KAZN: variants seen among roughly 807,000 people sequenced by gnomAD.
KAZN encodes kazrin.
KAZN carries 40 observed loss-of-function variants against 87.4 expected under a neutral mutation model. That is an observed-to-expected ratio of 0.46 (90% CI 0.36 to 0.60). The LOEUF is 0.60. Among genes scored for constraint, KAZN ranks in the 20% least tolerant of loss-of-function variants. The probability of loss-of-function intolerance (pLI) is 0.00; values close to 1 mark genes in which losing one functional copy is unlikely to be tolerated. For synonymous variants in KAZN, 466 were observed against 458.3 expected (o/e 1.02, Z -0.22); for missense variants, 898 against 1,073.9 (o/e 0.84, Z 2.29).
chr1:14,372,994 G>A (rs1001662013), intron 2 of KAZN, among the ~76,000 whole-genome samples: 3 of 152,130 alleles, frequency 2.0e-5, no homozygotes, highest in African/African-American at 7.2e-5. Context: ...AGTAACCTGA[G>A]AGGGGCCCCC....
intron 1 of KAZN, among the ~76,000 whole-genome samples, chr1:14,669,761 AC>A (rs1639803696): frequency 1.3e-5 from 2 of 152,272 alleles, no homozygotes; most frequent in Non-Finnish European, 2.9e-5. Context: ...AAACAAACAA[AC>A]AAAAAACAAA....
At chr1:14,375,566 G>A (rs1308868994) in intron 2 of KAZN, among the ~76,000 whole-genome samples, 1 of 152,184 alleles carries the variant, frequency 6.6e-6, no homozygotes, top group East Asian at 1.9e-4. Context: ...CTCATGCTCA[G>A]CATAAAGTGT....
chr1:14,930,174 T>C (rs1460468805), intron 1 of KAZN: 1 of 692,632 alleles, frequency 1.4e-6, no homozygotes, highest in African/African-American at 1.9e-5. Flanking sequence ...GGGACTGTTT[T>C]GGGAAACACC....
intron 2 of KAZN, chr1:14,180,678 AC>A: frequency 9.2e-7 from 1 of 1,087,058 alleles, no homozygotes; most frequent in Non-Finnish European, 1.3e-6. Context: ...ATGTTCAACT[AC>A]CACACCTATT....
intron 1 of KAZN, among the ~76,000 whole-genome samples, chr1:14,753,766 C>T (rs1392193210): frequency 6.6e-6 from 1 of 152,010 alleles, no homozygotes; most frequent in African/African-American, 2.4e-5. Flanking sequence ...CTGCACTCAC[C>T]TCTAGGGAGG....
At chr1:14,389,639 G>A (rs1419537406) in intron 2 of KAZN, among the ~76,000 whole-genome samples, 2 of 152,100 alleles carry the variant, frequency 1.3e-5, no homozygotes, top group African/African-American at 4.8e-5. Flanking sequence ...ACTTATGGGA[G>A]CTAAAAATTA....
At chr1:14,736,158 C>G (rs1021698921) in intron 1 of KAZN, among the ~76,000 whole-genome samples, 2 of 151,982 alleles carry the variant, frequency 1.3e-5, no homozygotes, top group African/African-American at 4.8e-5. Flanking sequence ...CATCTGTATT[C>G]TCAAACTTCC....
intron 1 of KAZN, among the ~76,000 whole-genome samples, chr1:14,068,643 G>C (rs1027776363): frequency 1.3e-5 from 2 of 152,150 alleles, no homozygotes; most frequent in African/African-American, 2.4e-5. Flanking sequence ...TAGTGGGAGA[G>C]AAATTTGGGC....
intron 1 of KAZN, among the ~76,000 whole-genome samples, chr1:14,119,471 A>G (rs929568609): frequency 1.3e-5 from 2 of 152,180 alleles, no homozygotes; most frequent in Admixed American, 6.5e-5. Flanking sequence ...GGTTACCACA[A>G]TTGGAGCAAA....
chr1:14,597,518 C>A (rs1451589455), upstream of KAZN, among the ~76,000 whole-genome samples: 1 of 152,088 alleles, frequency 6.6e-6, no homozygotes, highest in Non-Finnish European at 1.5e-5. Flanking sequence ...TTTCCTTATC[C>A]CTAAAATGGG....
chr1:14,335,080 G>C (rs1226877867), intron 2 of KAZN, among the ~76,000 whole-genome samples: 1 of 150,404 alleles, frequency 6.6e-6, no homozygotes, highest in African/African-American at 2.4e-5. Flanking sequence ...GGGCCATGGG[G>C]GCGGATCCCT....
At chr1:14,367,550 G>A in intron 2 of KAZN, among the ~76,000 whole-genome samples, 1 of 152,106 alleles carries the variant, frequency 6.6e-6, no homozygotes, top group Admixed American at 6.5e-5. Context: ...TTGGACCATG[G>A]TCCCAGGCTT....
intron 1 of KAZN, among the ~76,000 whole-genome samples, chr1:14,055,813 C>T (rs761662705): frequency 6.6e-6 from 1 of 152,160 alleles, no homozygotes; most frequent in African/African-American, 2.4e-5. Context: ...TTGTTTACAA[C>T]AGAAAAATCA....
chr1:13,986,375 G>A (rs572000093), intron 1 of KAZN, among the ~76,000 whole-genome samples: 1 of 152,240 alleles, frequency 6.6e-6, no homozygotes, highest in South Asian at 2.1e-4. Flanking sequence ...TCCTTAACTT[G>A]CTGCAGTGAA....
chr1:13,982,028 T>G (rs1053522074), intron 1 of KAZN, among the ~76,000 whole-genome samples: 1 of 152,190 alleles, frequency 6.6e-6, no homozygotes, highest in Admixed American at 6.5e-5. Flanking sequence ...CACTTCAATG[T>G]TGATTCCCAC....
chr1:13,970,046 G>A (rs1452206649), intron 1 of KAZN, among the ~76,000 whole-genome samples: 1 of 152,198 alleles, frequency 6.6e-6, no homozygotes, highest in African/African-American at 2.4e-5. Context: ...CCAAATTCAT[G>A]CTATTTCTAT....
intron 1 of KAZN, among the ~76,000 whole-genome samples, chr1:14,178,463 C>T (rs1279036503): frequency 6.6e-6 from 1 of 152,162 alleles, no homozygotes; most frequent in Non-Finnish European, 1.5e-5. Context: ...GTCTAATCTG[C>T]TATTAATCTC....
intron 2 of KAZN, among the ~76,000 whole-genome samples, chr1:14,320,892 T>G (rs1211993738): frequency 1.3e-5 from 2 of 152,182 alleles, no homozygotes; most frequent in Non-Finnish European, 2.9e-5. Context: ...AATTCATGAG[T>G]TAGACATCTA....
At chr1:14,982,719 C>A (rs1453817319) in intron 2 of KAZN, among the ~76,000 whole-genome samples, 2 of 152,190 alleles carry the variant, frequency 1.3e-5, no homozygotes, top group Non-Finnish European at 2.9e-5. Flanking sequence ...GCCACTGTGC[C>A]TGGCCAGCAC....
Sources: gnomAD v4.1 joint callset for allele counts (sites outside exome capture counted in the v4.1 genomes callset) on GRCh38, gnomAD v4.1.1 for gene constraint, MANE v1.5 for transcripts, NCBI Gene and HGNC (gene_info 2026-07-23, HGNC 2026-07-21) for gene names.